The following RBFOX1 variants were observed in gnomAD, a reference collection of about 807,000 sequenced individuals.
The protein encoded by RBFOX1 is RNA binding protein fox-1 homolog 1.
Under a neutral mutation model 57.7 loss-of-function variants are expected in RBFOX1, and 8 were observed. The ratio of observed to expected loss-of-function variants is 0.14; its 90% confidence interval spans 0.08 to 0.25. The LOEUF is 0.25. Among genes scored for constraint, RBFOX1 ranks in the 10% least tolerant of loss-of-function variants. RBFOX1 has a pLI of 1.00. For synonymous variants in RBFOX1, 326 were observed against 222.4 expected (o/e 1.47, Z -4.15); for missense variants, 611 against 548.5 (o/e 1.11, Z -1.14).
chr16:7,290,784 C>A (rs765304967), intron 4 of RBFOX1, among the ~76,000 whole-genome samples: 3 of 152,172 alleles, frequency 2.0e-5, no homozygotes, highest in Non-Finnish European at 4.4e-5. Flanking sequence ...AGACAAGGAA[C>A]TCACCATTAA....
chr16:7,380,575 C>G (rs534618944), intron 4 of RBFOX1, among the ~76,000 whole-genome samples: 2 of 152,238 alleles, frequency 1.3e-5, no homozygotes, highest in South Asian at 2.1e-4. Context: ...ATTTAAAAAA[C>G]AAAACAAAAC....
intron 3 of RBFOX1, among the ~76,000 whole-genome samples, chr16:6,931,764 T>G (rs1208102842): frequency 6.6e-6 from 1 of 152,098 alleles, no homozygotes; most frequent in Non-Finnish European, 1.5e-5. Flanking sequence ...CTGTTTCCTG[T>G]GGTCTGCCAC....
chr16:5,917,103 G>T (rs1310762400), intron 4 of RBFOX1, among the ~76,000 whole-genome samples: 1 of 152,064 alleles, frequency 6.6e-6, no homozygotes, highest in Non-Finnish European at 1.5e-5. Context: ...CTACAGTCTG[G>T]AATTTGTGGG....
intron 1 of RBFOX1, among the ~76,000 whole-genome samples, chr16:5,370,399 A>C (rs2065827173): frequency 6.6e-6 from 1 of 151,292 alleles, no homozygotes; most frequent in South Asian, 2.1e-4. Context: ...GGATGCTCTG[A>C]ACCAGGATAG....
chr16:5,618,642 T>G (rs1024579334), intron 3 of RBFOX1, among the ~76,000 whole-genome samples: 1 of 152,232 alleles, frequency 6.6e-6, no homozygotes, highest in Non-Finnish European at 1.5e-5. Flanking sequence ...CAGCTGGCTG[T>G]AGATTTTTGT....
chr16:5,314,262 A>C (rs541339470), intron 1 of RBFOX1, among the ~76,000 whole-genome samples: 9 of 152,352 alleles, frequency 5.9e-5, no homozygotes, highest in African/African-American at 2.2e-4. Context: ...TTGCAGACCC[A>C]ACAGATAACC....
intron 2 of RBFOX1, among the ~76,000 whole-genome samples, chr16:6,591,040 T>G (rs1023737025): frequency 1.3e-5 from 2 of 152,120 alleles, no homozygotes; most frequent in African/African-American, 4.8e-5. Flanking sequence ...TGTGGACAAG[T>G]ATAATTGTGT....
chr16:5,800,063 A>G (rs1470880141), intron 3 of RBFOX1, among the ~76,000 whole-genome samples: 2 of 152,016 alleles, frequency 1.3e-5, no homozygotes, highest in African/African-American at 4.8e-5. Context: ...ATGTATAAGT[A>G]TATACATATA....
At chr16:6,884,366 AG>A (rs968437857) in intron 3 of RBFOX1, among the ~76,000 whole-genome samples, 7 of 152,170 alleles carry the variant, frequency 4.6e-5, no homozygotes, top group Non-Finnish European at 1.5e-5. Context: ...ACTTGACAAC[AG>A]TTGCTCTGCC....
At chr16:7,002,060 G>C (rs998723172) in intron 3 of RBFOX1, among the ~76,000 whole-genome samples, 2 of 152,138 alleles carry the variant, frequency 1.3e-5, no homozygotes, top group African/African-American at 2.4e-5. Context: ...GGACCACCGA[G>C]AGATTCCTGG....
At chr16:5,240,872 T>C (rs1402292880) in intron 1 of RBFOX1, among the ~76,000 whole-genome samples, 1 of 152,154 alleles carries the variant, frequency 6.6e-6, no homozygotes, top group Non-Finnish European at 1.5e-5. Flanking sequence ...TGTGTGGCTT[T>C]GCTGGCCTTC....
chr16:6,703,390 A>C (rs931639560), intron 3 of RBFOX1, among the ~76,000 whole-genome samples: 1 of 152,074 alleles, frequency 6.6e-6, no homozygotes. Context: ...CCTAGGCAAC[A>C]TAGTGAGACC....
chr16:6,559,193 A>G (rs2097146216), intron 2 of RBFOX1, among the ~76,000 whole-genome samples: 2 of 152,146 alleles, frequency 1.3e-5, no homozygotes, highest in South Asian at 4.2e-4. Flanking sequence ...ACACAAACAC[A>G]CACTCACATA....
chr16:7,287,320 G>C (rs2095669339), intron 4 of RBFOX1, among the ~76,000 whole-genome samples: 1 of 152,330 alleles, frequency 6.6e-6, no homozygotes, highest in African/African-American at 2.4e-5. Context: ...ACAGGACCTG[G>C]AGAGACAAGA....
chr16:5,505,571 T>C, intron 2 of RBFOX1, among the ~76,000 whole-genome samples: 1 of 152,292 alleles, frequency 6.6e-6, no homozygotes, highest in South Asian at 2.1e-4. Flanking sequence ...GGTCTGGTTT[T>C]TGGGAGGAGC....
At chr16:6,993,892 T>A (rs940280180) in intron 3 of RBFOX1, among the ~76,000 whole-genome samples, 1 of 152,144 alleles carries the variant, frequency 6.6e-6, no homozygotes, top group Non-Finnish European at 1.5e-5. Flanking sequence ...GGGACAACAT[T>A]AATGTATCTC....
At chr16:6,191,863 C>T (rs2097143920) in intron 1 of RBFOX1, among the ~76,000 whole-genome samples, 1 of 152,096 alleles carries the variant, frequency 6.6e-6, no homozygotes, top group Admixed American at 6.6e-5. Flanking sequence ...TAACAGAAAC[C>T]TCGTGATTTG....
At chr16:7,678,841 T>C (rs1433231689) in intron 14 of RBFOX1, among the ~76,000 whole-genome samples, 1 of 152,228 alleles carries the variant, frequency 6.6e-6, no homozygotes, top group Non-Finnish European at 1.5e-5. Context: ...ATTGGCAACA[T>C]GTCCCACTGA....
chr16:6,360,242 ATT>A lies in RBFOX1; in HGVS notation c.-64+43195_-64+43196del, dbSNP rs5815303. 3.3e-5 allele frequency among the ~76,000 whole-genome samples: 5 copies of A among 149,472 alleles called. No individual in the cohort carries two copies. In the East Asian group the frequency reaches 9.8e-4, roughly 29 times the overall value. On this transcript the variant is annotated intron_variant, in intron 2 of 15. Coordinates refer to ENST00000550418, the MANE Select transcript of RBFOX1 (RefSeq NM_018723.4). ...ATCATTGTGTAATATTTCTTTATAG[ATT>A]TTTTTTTTTCCAATGTGGACCTGCC...
Sources: allele counts gnomAD v4.1 joint callset (sites outside exome capture counted in the v4.1 genomes callset), GRCh38; gene constraint gnomAD v4.1.1; transcripts MANE v1.5; gene names NCBI Gene and HGNC (gene_info 2026-07-23, HGNC 2026-07-21).